CCNB3: variants seen among roughly 807,000 people sequenced by gnomAD.
CCNB3 encodes G2/mitotic-specific cyclin-B3.
CCNB3 carries 12 observed loss-of-function variants against 68.0 expected under a neutral mutation model. The observed-to-expected ratio is 0.18, with a 90% CI of 0.11 to 0.29. The LOEUF (loss-of-function observed/expected upper bound fraction) is 0.29, where lower values mean the gene tolerates loss of function less well. Ranked by LOEUF, CCNB3 falls within the 10% of genes least tolerant of loss-of-function variation. The probability of loss-of-function intolerance (pLI) is 1.00; values close to 1 mark genes in which losing one functional copy is unlikely to be tolerated. For synonymous variants in CCNB3, 354 were observed against 388.9 expected (o/e 0.91, Z 1.06); for missense variants, 904 against 993.1 (o/e 0.91, Z 1.21).
intron 8 of CCNB3, among the ~76,000 whole-genome samples, chrX:50,315,090 A>C (rs1009332368): frequency 9.0e-6 from 1 of 111,462 alleles, no homozygotes; most frequent in Admixed American, 9.5e-5. Flanking sequence ...ACAACCCCAA[A>C]CTGCTGTTCT....
At chrX:50,205,315 G>A (rs1286608898) in intron 1 of CCNB3, among the ~76,000 whole-genome samples, 1 of 111,536 alleles carries the variant, frequency 9.0e-6, no homozygotes, top group Non-Finnish European at 1.9e-5. Context: ...GGTAGCGCGC[G>A]CCTGTAGTCC....
chrX:50,223,730 G>T (rs1374670180), intron 1 of CCNB3, among the ~76,000 whole-genome samples: 1 of 112,512 alleles, frequency 8.9e-6, no homozygotes, highest in Non-Finnish European at 1.9e-5. Flanking sequence ...CTCCCAGTCA[G>T]GGGGGAAGGG....
intron 1 of CCNB3, among the ~76,000 whole-genome samples, chrX:50,214,808 G>A (rs1272855855): frequency 2.8e-5 from 3 of 105,459 alleles, no homozygotes; most frequent in Non-Finnish European, 5.8e-5. Flanking sequence ...TTGTCCCCAT[G>A]TTTGCCTCTC....
chrX:50,282,565 G>A (rs1191987365), intron 1 of CCNB3, among the ~76,000 whole-genome samples: 1 of 111,190 alleles, frequency 9.0e-6, no homozygotes, highest in African/African-American at 3.3e-5. Context: ...CCAAGGCTCA[G>A]GGTTCTGTAG....
intron 1 of CCNB3, among the ~76,000 whole-genome samples, chrX:50,282,473 C>G (rs1936156369): frequency 8.9e-6 from 1 of 111,816 alleles, no homozygotes; most frequent in South Asian, 3.8e-4. Context: ...CTGGGAGGTC[C>G]AGTGGAGTCT....
intron 1 of CCNB3, among the ~76,000 whole-genome samples, chrX:50,224,362 G>A (rs1436575413): frequency 2.7e-5 from 3 of 111,258 alleles, no homozygotes; most frequent in Admixed American, 9.6e-5. Flanking sequence ...TACCTGGGAC[G>A]AGTGAAATAT....
chrX:50,302,237 C>G (rs1007656643), intron 5 of CCNB3, among the ~76,000 whole-genome samples: 1 of 111,940 alleles, frequency 8.9e-6, no homozygotes, highest in East Asian at 2.8e-4. Context: ...ATGCTGGGAG[C>G]TGTAGACTGG....
chrX:50,211,576 A>G (rs1374782688), intron 1 of CCNB3, among the ~76,000 whole-genome samples: 3,787 of 110,951 alleles, frequency 0.034, 174 homozygotes, highest in African/African-American at 0.12. Context: ...GTTACTCAGG[A>G]GCCTGAGGTG....
intron 1 of CCNB3, among the ~76,000 whole-genome samples, chrX:50,206,701 G>C (rs1935372154): frequency 9.0e-6 from 1 of 110,786 alleles, no homozygotes; most frequent in Non-Finnish European, 1.9e-5. Context: ...TTGAAGGCAA[G>C]AGTCTGAGTT....
chrX:50,222,964 C>T (rs1345493798), intron 1 of CCNB3, among the ~76,000 whole-genome samples: 1 of 110,637 alleles, frequency 9.0e-6, no homozygotes, highest in East Asian at 2.8e-4. Context: ...TTGTTCGTTC[C>T]TTTTCTTTTT....
intron 1 of CCNB3, among the ~76,000 whole-genome samples, chrX:50,228,035 G>C: frequency 1.4e-5 from 1 of 70,749 alleles, no homozygotes; most frequent in East Asian, 4.0e-4. Flanking sequence ...AATATATATA[G>C]AGAGAATATA....
chrX:50,350,144 G>A (rs1333714257), intron 11 of CCNB3, among the ~76,000 whole-genome samples: 1 of 110,685 alleles, frequency 9.0e-6, no homozygotes, highest in Non-Finnish European at 1.9e-5. Flanking sequence ...TCATTTTTGT[G>A]TTCCCAGGAT....
intron 1 of CCNB3, among the ~76,000 whole-genome samples, chrX:50,284,098 CT>C (rs1420560835): frequency 9.0e-6 from 1 of 110,659 alleles, no homozygotes; most frequent in African/African-American, 3.3e-5. Flanking sequence ...CATTATCAAC[CT>C]TTACTTAGAT....
rs151272775 is a variant in CCNB3 at position 50,294,948 on chromosome X, C to T, written c.290C>T (p.Thr97Ile). 1,096 of 1,207,764 alleles carry T rather than the reference C, an allele frequency of 9.1e-4. 4 individuals are homozygous for T. The highest frequency in any genetic ancestry group is 5.5e-3 in the Middle Eastern group (24 of 4,343). Residue 97 changes from threonine to isoleucine, a missense_variant, in exon 5 of 13, where the codon ACA becomes ATA. Transcript: ENST00000376042. The part of the protein sequence containing the change: ...KVVSKKINRN[T>I]HALGLAKKNK... ...GTTTCCAAGAAGATAAACAGGAACA[C>T]ACATGCTCTTGGACTGGCCAAAAAG... is the stretch of plus-strand genomic sequence containing the variant.
upstream of CCNB3, chrX:50,204,533 G>T (rs1557205185): frequency 9.2e-6 from 1 of 109,194 alleles, no homozygotes; most frequent in Non-Finnish European, 1.9e-5. Flanking sequence ...GTGTGTGTGT[G>T]GTGATTAGCA....
intron 8 of CCNB3, 57 bp downstream of exon 8, chrX:50,314,005 G>C: frequency 1.1e-6 from 1 of 905,818 alleles, no homozygotes; most frequent in South Asian, 2.1e-5. Context: ...ATTCAGGGCT[G>C]CCAGGCCAAA....
chrX:50,299,135 A>G (rs1412141896), intron 5 of CCNB3, among the ~76,000 whole-genome samples: 3 of 111,201 alleles, frequency 2.7e-5, no homozygotes, highest in African/African-American at 9.8e-5. Flanking sequence ...TATTGCCTTC[A>G]TTTCTGCTCT....
At chrX:50,323,407 G>C (rs1470456986) in intron 8 of CCNB3, among the ~76,000 whole-genome samples, 1 of 100,700 alleles carries the variant, frequency 9.9e-6, no homozygotes, top group Non-Finnish European at 2.0e-5. Context: ...TCACACACTG[G>C]GGCCTGTTGT....
At chrX:50,228,902 A>G (rs1400516350) in intron 1 of CCNB3, among the ~76,000 whole-genome samples, 4 of 65,508 alleles carry the variant, frequency 6.1e-5, no homozygotes, top group African/African-American at 2.5e-4. Context: ...TATATAGAAT[A>G]TATATATAGA....
Sources: allele counts gnomAD v4.1 joint callset (sites outside exome capture counted in the v4.1 genomes callset), GRCh38; gene constraint gnomAD v4.1.1; transcripts MANE v1.5; gene names NCBI Gene and HGNC (gene_info 2026-07-23, HGNC 2026-07-21).